ELOVL4: variants seen among roughly 807,000 people sequenced by gnomAD.
The protein encoded by ELOVL4 is ELOVL fatty acid elongase 4.
Under a neutral mutation model 42.1 loss-of-function variants are expected in ELOVL4, and 18 were observed. The ratio of observed to expected loss-of-function variants is 0.43; its 90% CI spans 0.30 to 0.63. The LOEUF is 0.63. Ranked by LOEUF, ELOVL4 falls within the 30% of genes least tolerant of loss-of-function variation. The pLI is 0.15. For synonymous variants in ELOVL4, 117 were observed against 127.0 expected (o/e 0.92, Z 0.53); for missense variants, 299 against 376.2 (o/e 0.79, Z 1.70).
chr6:79,940,705 TAA>T (rs1774631860), intron 1 of ELOVL4, among the ~76,000 whole-genome samples: 1 of 152,106 alleles, frequency 6.6e-6, no homozygotes, highest in African/African-American at 2.4e-5. Context: ...CAGGTAGAAA[TAA>T]GAGACCCAAA....
chr6:79,922,555 C>T (rs969371524), intron 3 of ELOVL4, among the ~76,000 whole-genome samples: 2 of 152,212 alleles, frequency 1.3e-5, no homozygotes, highest in African/African-American at 4.8e-5. Context: ...AAGAATCCTA[C>T]TGTAACAGTA....
At chr6:79,922,449 C>T (rs1774275001) in intron 3 of ELOVL4, among the ~76,000 whole-genome samples, 1 of 152,136 alleles carries the variant, frequency 6.6e-6, no homozygotes, top group African/African-American at 2.4e-5. Flanking sequence ...TTCCTGGGCT[C>T]TAATTAAGGC....
intron 1 of ELOVL4, among the ~76,000 whole-genome samples, chr6:79,941,222 A>G (rs1163063952): frequency 1.3e-5 from 2 of 152,188 alleles, no homozygotes; most frequent in Non-Finnish European, 2.9e-5. Flanking sequence ...ACCTAATTTA[A>G]CCCTCTTAAT....
At chr6:79,921,587 C>T in intron 4 of ELOVL4, 38 bp downstream of exon 4, 1 of 1,575,968 alleles carries the variant, frequency 6.3e-7, no homozygotes, top group Non-Finnish European at 8.7e-7. Context: ...CACATATATG[C>T]AATTAAACGC....
At chr6:79,919,125 G>A (rs1774207385) in intron 5 of ELOVL4, among the ~76,000 whole-genome samples, 1 of 149,280 alleles carries the variant, frequency 6.7e-6, no homozygotes, top group East Asian at 2.0e-4. Context: ...GTACTTTGTA[G>A]CGTGCTTAGA....
Position 79,947,409 on chromosome 6 carries a change from G to C in ELOVL4, c.-130C>G, listed in dbSNP as rs1774770575. The C allele has an allele frequency of 8.3e-6, 6 of 723,222 alleles. No individual in the cohort carries two copies. The highest frequency in any genetic ancestry group is 1.5e-5 in the Non-Finnish European group (6 of 411,554). The allele number at this position is 723,222 out of a possible 1,614,324, so 44.8% of individuals were successfully genotyped here. ...CCTCTAACGGCGGCGGCCCGGCTGCGTCTTCTCCTGCTCCTCAAGGCGCCG... is the reference window on the plus strand; with the variant it reads ...CCTCTAACGGCGGCGGCCCGGCTGCCTCTTCTCCTGCTCCTCAAGGCGCCG... On this transcript the variant is annotated 5_prime_UTR_variant, in exon 1 of 6. Transcript: ENST00000369816.
At position 79,947,116 on chromosome 6, in the gene ELOVL4, G is replaced by T. The variant is rs1172793561; in HGVS notation, c.100+64C>A. 5.1e-6 allele frequency: 7 copies of T among 1,362,600 alleles called. No homozygotes were observed. In the East Asian group the frequency reaches 7.3e-5, roughly 14 times the overall value. 84.4% of individuals were successfully genotyped at this position (1,362,600 alleles called of 1,614,324 possible). ...CTGTGGGGCCGGGCCCGGGAGCTGC[G>T]AGACCAGGGGCCGGTGACCCCCCGC... On this transcript the variant is annotated intron_variant, in intron 1 of 5. Coordinates refer to ENST00000369816, the MANE Select transcript of ELOVL4 (RefSeq NM_022726.4).
intron 1 of ELOVL4, among the ~76,000 whole-genome samples, chr6:79,946,666 G>C (rs1023577198): frequency 6.6e-6 from 1 of 152,208 alleles, no homozygotes; most frequent in Admixed American, 6.5e-5. Context: ...TATAGATGAA[G>C]GAGCTAGATA....
intron 1 of ELOVL4, among the ~76,000 whole-genome samples, chr6:79,939,503 C>CTTTA (rs70977795): frequency 0.3 from 44,189 of 145,386 alleles, 7,095 homozygotes; most frequent in South Asian, 0.38. Flanking sequence ...AATTTGACTA[C>CTTTA]TTTATTTATT....
chr6:79,946,617 G>A (rs1270550718), intron 1 of ELOVL4, among the ~76,000 whole-genome samples: 2 of 152,166 alleles, frequency 1.3e-5, no homozygotes, highest in African/African-American at 4.8e-5. Flanking sequence ...GGTTCAAGGA[G>A]CCAAACAATA....
At chr6:79,918,771 A>G (rs1268628474) in intron 5 of ELOVL4, among the ~76,000 whole-genome samples, 1 of 152,192 alleles carries the variant, frequency 6.6e-6, no homozygotes, top group African/African-American at 2.4e-5. Context: ...TAATGCACAC[A>G]CTCAGATTGC....
chr6:79,932,455 G>T (rs1039193195), intron 1 of ELOVL4, among the ~76,000 whole-genome samples: 1 of 151,880 alleles, frequency 6.6e-6, no homozygotes, highest in African/African-American at 2.4e-5. Context: ...TGAGGCAGGA[G>T]AATTGCTTGA....
At position 79,947,324 on chromosome 6, in the gene ELOVL4, A is replaced by C; in HGVS notation, c.-45T>G. ...TGGCGGCAGGAGAAAGCGGAGACCCAGAGAGAGGGCTGACCCCGGAGGCGG... is the reference window on the plus strand; with the variant it reads ...TGGCGGCAGGAGAAAGCGGAGACCCCGAGAGAGGGCTGACCCCGGAGGCGG... On this transcript the variant is annotated 5_prime_UTR_variant, in exon 1 of 6. Coordinates refer to ENST00000369816, the MANE Select transcript of ELOVL4 (RefSeq NM_022726.4). 1 of 1,491,948 alleles carries C rather than the reference A, an allele frequency of 6.7e-7. No individual in the cohort carries two copies. The allele number at this position is 1,491,948 out of a possible 1,614,324, so 92.4% of individuals were successfully genotyped here.
At position 79,926,386 on chromosome 6, in the gene ELOVL4, A is replaced by G. The variant is rs1561985668; in HGVS notation, c.101-5T>C. On this transcript the variant is annotated splice_region_variant and splice_polypyrimidine_tract_variant and intron_variant, in intron 1 of 5. Transcript: ENST00000369816. ...GCCAATTTTCCACACGCTTATCTATAGAGAGAACAAAATACCATAAAATTC... is the reference window on the plus strand; with the variant it reads ...GCCAATTTTCCACACGCTTATCTATGGAGAGAACAAAATACCATAAAATTC... 4 of 1,613,046 alleles carry G rather than the reference A, an allele frequency of 2.5e-6. No homozygotes were observed. The highest frequency in any genetic ancestry group is 2.5e-6 in the Non-Finnish European group (3 of 1,179,266).
intron 1 of ELOVL4, among the ~76,000 whole-genome samples, chr6:79,933,579 A>C (rs1046596111): frequency 7.9e-5 from 12 of 152,030 alleles, no homozygotes; most frequent in African/African-American, 2.9e-4. Context: ...GTGTGGACTG[A>C]GGGGAAGGGG....
chr6:79,945,897 A>C (rs189515710), intron 1 of ELOVL4, among the ~76,000 whole-genome samples: 8 of 152,230 alleles, frequency 5.3e-5, no homozygotes, highest in African/African-American at 1.9e-4. Flanking sequence ...GTCAAAGTTG[A>C]GATCTTCTGA....
rs1774221341 is a variant in ELOVL4, at chr6:79,919,798, G to A, written c.542-251C>T. Among the ~76,000 whole-genome samples the A allele has an allele frequency of 2.0e-5, 3 of 152,142 alleles. No individual in the cohort carries two copies. The South Asian group carries it at 6.2e-4, about 31-fold the overall frequency. ...TGTTCAAATGCAAAGGACTTTCACA[G>A]TTGTAGGTTTTCAAATGGAGTACTC... is the stretch of plus-strand genomic sequence containing the variant. On this transcript the variant is annotated intron_variant, in intron 4 of 5. Coordinates refer to ENST00000369816, the MANE Select transcript of ELOVL4 (RefSeq NM_022726.4).
At chr6:79,925,838 ACG>A (rs1358101824) in intron 2 of ELOVL4, among the ~76,000 whole-genome samples, 1 of 152,184 alleles carries the variant, frequency 6.6e-6, no homozygotes, top group Non-Finnish European at 1.5e-5. Context: ...AGTGCTTAAT[ACG>A]TGCCAAACAC....
chr6:79,935,743 T>A (rs9448861), intron 1 of ELOVL4, among the ~76,000 whole-genome samples: 24,541 of 152,186 alleles, frequency 0.16, 2,260 homozygotes, highest in South Asian at 0.36. Flanking sequence ...AATAATTAAA[T>A]CTAAATACAT....
Sources: gnomAD v4.1 joint callset for allele counts (sites outside exome capture counted in the v4.1 genomes callset) on GRCh38, gnomAD v4.1.1 for gene constraint, MANE v1.5 for transcripts, NCBI Gene and HGNC (gene_info 2026-07-23, HGNC 2026-07-21) for gene names.